Variants in GLRA2 observed in about 807,000 individuals in gnomAD.
The protein encoded by GLRA2 is glycine receptor subunit alpha-2.
A neutral mutation model predicts 31.6 loss-of-function variants in GLRA2; 11 were observed. The ratio of observed to expected loss-of-function variants is 0.35; its 90% CI spans 0.22 to 0.58. The LOEUF is 0.58. GLRA2 is among the 20% of genes least tolerant of loss of function. The probability of loss-of-function intolerance (pLI) is 0.84; values close to 1 mark genes in which losing one functional copy is unlikely to be tolerated. For synonymous variants in GLRA2, 132 were observed against 134.0 expected, an observed-to-expected ratio of 0.99 and a Z score of 0.10; for missense variants, 212 against 351.8, an observed-to-expected ratio of 0.60 and a Z score of 3.18.
intron 4 of GLRA2, among the ~76,000 whole-genome samples, chrX:14,589,716 A>G (rs1289828955): frequency 1.9e-5 from 2 of 107,179 alleles, no homozygotes; most frequent in African/African-American, 6.7e-5. Flanking sequence ...ATATACACAC[A>G]TATATGTGTG....
chrX:14,530,230 T>C (rs1178588214), intron 1 of GLRA2, 105 bp downstream of exon 1: 1 of 529,169 alleles, frequency 1.9e-6, no homozygotes, highest in East Asian at 3.6e-5. Flanking sequence ...TTTAATTTTA[T>C]AGAGGAAAGT....
intron 7 of GLRA2, among the ~76,000 whole-genome samples, chrX:14,613,996 A>G (rs771948694): frequency 8.9e-6 from 1 of 111,977 alleles, no homozygotes; most frequent in East Asian, 2.8e-4. Context: ...AGACTTTTAA[A>G]AAATTATCTA....
At chrX:14,640,304 C>T (rs1368632993) in intron 7 of GLRA2, among the ~76,000 whole-genome samples, 2 of 111,056 alleles carry the variant, frequency 1.8e-5, no homozygotes, top group African/African-American at 6.5e-5. Context: ...CACAAAAAAA[C>T]GTAATCACTC....
At chrX:14,496,762 A>G in the GLRA2 span, among the ~76,000 whole-genome samples, 1 of 111,888 alleles carries the variant, frequency 8.9e-6, no homozygotes, top group Admixed American at 9.5e-5. Flanking sequence ...TGTCAGTCAC[A>G]TCCTCAAAGG....
chrX:14,617,351 TCTGTC>T lies in GLRA2; in HGVS notation c.930+8149_930+8153del, dbSNP rs776996271. On this transcript the variant is annotated intron_variant, in intron 7 of 8. Coordinates refer to ENST00000218075, the MANE Select transcript of GLRA2 (RefSeq NM_002063.4). ...ATTACAGACAAGAAGAAACAGAACT[TCTGTC>T]CTTAAGAAGACATAAACATAAAATA... Among the ~76,000 whole-genome samples the T allele has an allele frequency of 7.2e-5, 8 of 111,618 alleles. No homozygotes were observed. In the East Asian group the frequency reaches 2.3e-3, roughly 32 times the overall value.
chrX:14,528,926 A>G (rs1300897308), upstream of GLRA2, among the ~76,000 whole-genome samples: 1 of 111,954 alleles, frequency 8.9e-6, no homozygotes, highest in Non-Finnish European at 1.9e-5. Context: ...GGCTTTCCCT[A>G]GTACAGAGGT....
chrX:14,523,764 C>T, the GLRA2 span, among the ~76,000 whole-genome samples: 3 of 111,548 alleles, frequency 2.7e-5, no homozygotes, highest in South Asian at 3.7e-4. Flanking sequence ...TTAAGTTTGC[C>T]ATCCTATACG....
intron 1 of GLRA2, 76 bp downstream of exon 1, chrX:14,530,201 G>A (rs1324693951): frequency 3.7e-5 from 23 of 620,201 alleles, no homozygotes; most frequent in Non-Finnish European, 5.5e-6. Context: ...GTATTTATCT[G>A]TGCTCTGGAC....
chrX:14,711,080 T>C (rs1242950614), intron 8 of GLRA2, among the ~76,000 whole-genome samples: 2 of 112,389 alleles, frequency 1.8e-5, no homozygotes, highest in Non-Finnish European at 3.8e-5. Context: ...AATACAAATA[T>C]GAGTGAACTC....
intron 7 of GLRA2, among the ~76,000 whole-genome samples, chrX:14,679,876 CA>C (rs2091181571): frequency 8.9e-6 from 1 of 111,872 alleles, no homozygotes; most frequent in Non-Finnish European, 1.9e-5. Flanking sequence ...CTGTTTCCCT[CA>C]GTAGACCATG....
At chrX:14,501,546 C>T in the GLRA2 span, among the ~76,000 whole-genome samples, 5 of 111,607 alleles carry the variant, frequency 4.5e-5, no homozygotes, top group African/African-American at 3.3e-5. Context: ...TTATGCTCCA[C>T]TTGGCTTTGG....
At chrX:14,717,123 T>G (rs968183466) in intron 8 of GLRA2, among the ~76,000 whole-genome samples, 2 of 111,257 alleles carry the variant, frequency 1.8e-5, no homozygotes, top group African/African-American at 6.5e-5. Flanking sequence ...TGCCCTATAA[T>G]AGGAGCTTCT....
At chrX:14,636,163 C>T (rs1161642448) in intron 7 of GLRA2, among the ~76,000 whole-genome samples, 2 of 111,826 alleles carry the variant, frequency 1.8e-5, no homozygotes, top group African/African-American at 6.5e-5. Context: ...AACAAATCTC[C>T]CATGCAGAAT....
At chrX:14,684,884 G>T (rs2091258199) in intron 7 of GLRA2, among the ~76,000 whole-genome samples, 1 of 110,980 alleles carries the variant, frequency 9.0e-6, no homozygotes, top group African/African-American at 3.3e-5. Flanking sequence ...GGGCATCCCT[G>T]TCTTGTGCCA....
At chrX:14,638,228 T>C (rs1292473452) in intron 7 of GLRA2, among the ~76,000 whole-genome samples, 2 of 110,681 alleles carry the variant, frequency 1.8e-5, no homozygotes, top group Non-Finnish European at 3.8e-5. Flanking sequence ...TTGGGGAGGG[T>C]GGTGGTGGGA....
chrX:14,539,286 A>G (rs1487675357), intron 2 of GLRA2, among the ~76,000 whole-genome samples: 1 of 111,257 alleles, frequency 9.0e-6, no homozygotes, highest in Non-Finnish European at 1.9e-5. Context: ...TGTTTGACGA[A>G]GCCTCAATAA....
rs1210226065 is a variant in GLRA2 at position 14,666,183 on chromosome X, A to C, written c.931-24527A>C. ...TTCATTATCACCACTATGAGTCATA[A>C]CACTGGATAAAGCTCAACAAATGTT... is the stretch of plus-strand genomic sequence containing the variant. On this transcript the variant is annotated intron_variant, in intron 7 of 8. Coordinates refer to ENST00000218075, the MANE Select transcript of GLRA2 (RefSeq NM_002063.4). Among the ~76,000 whole-genome samples the C allele has an allele frequency of 5.8e-4, 65 of 112,072 alleles. 1 individual carries two copies. The highest frequency in any genetic ancestry group is 3.7e-4 in the South Asian group (1 of 2,713).
At chrX:14,707,145 G>T (rs781526407) in intron 8 of GLRA2, among the ~76,000 whole-genome samples, 6 of 111,613 alleles carry the variant, frequency 5.4e-5, no homozygotes. Context: ...TTGAATTCCC[G>T]TCCTCTTAAT....
At chrX:14,592,957 A>C (rs1008661685) in intron 4 of GLRA2, among the ~76,000 whole-genome samples, 1 of 112,097 alleles carries the variant, frequency 8.9e-6, no homozygotes, top group African/African-American at 3.2e-5. Flanking sequence ...GTCTGCTATT[A>C]TTACTCATCA....
Sources: allele counts gnomAD v4.1 joint callset (sites outside exome capture counted in the v4.1 genomes callset), GRCh38; gene constraint gnomAD v4.1.1; transcripts MANE v1.5; gene names NCBI Gene and HGNC (gene_info 2026-07-23, HGNC 2026-07-21).